SRGAP3: variants seen among roughly 807,000 people sequenced by gnomAD.
SRGAP3 encodes SLIT-ROBO Rho GTPase activating protein 3, also known as SLIT-ROBO Rho GTPase-activating protein 3.
A neutral mutation model predicts 121.1 loss-of-function variants in SRGAP3; 39 were observed. The observed-to-expected ratio is 0.32, with a 90% CI of 0.25 to 0.42. SRGAP3 has a LOEUF of 0.42. SRGAP3 is among the 10% of genes least tolerant of loss of function. The pLI is 1.00. For synonymous variants in SRGAP3, 601 were observed against 570.0 expected, an observed-to-expected ratio of 1.05 and a Z score of -0.77; for missense variants, 1,213 against 1,470.6, an observed-to-expected ratio of 0.82 and a Z score of 2.86.
At chr3:9,306,852 T>A (rs544046767) in intron 3 of SRGAP3, among the ~76,000 whole-genome samples, 7 of 152,350 alleles carry the variant, frequency 4.6e-5, no homozygotes, top group Non-Finnish European at 1.0e-4. Flanking sequence ...TTCTATAAAG[T>A]ATTTTTTTAA....
intron 3 of SRGAP3, among the ~76,000 whole-genome samples, chr3:9,321,677 G>A (rs1274191645): frequency 6.6e-6 from 1 of 151,820 alleles, no homozygotes; most frequent in Admixed American, 6.5e-5. Flanking sequence ...TCTTTTACGG[G>A]AACACGGATG....
intron 18 of SRGAP3, among the ~76,000 whole-genome samples, chr3:9,005,969 G>C (rs991901722): frequency 1.3e-5 from 2 of 152,178 alleles, no homozygotes; most frequent in South Asian, 2.1e-4. Context: ...TAAGAAGAAG[G>C]CAGGGTCCTT....
chr3:9,014,503 T>C (rs768405827), intron 15 of SRGAP3, among the ~76,000 whole-genome samples: 5 of 151,690 alleles, frequency 3.3e-5, no homozygotes, highest in Non-Finnish European at 7.4e-5. Context: ...CTCTGACCCC[T>C]GTTTCCAGGT....
intron 8 of SRGAP3, among the ~76,000 whole-genome samples, chr3:9,054,553 T>C (rs1200444106): frequency 2.6e-5 from 4 of 152,178 alleles, no homozygotes; most frequent in Non-Finnish European, 5.9e-5. Context: ...GCCTTACATC[T>C]CCCTAAAATG....
intron 1 of SRGAP3, among the ~76,000 whole-genome samples, chr3:9,341,400 A>G (rs143309187): frequency 5.3e-5 from 8 of 152,206 alleles, no homozygotes; most frequent in Admixed American, 3.9e-4. Flanking sequence ...GAAGAAAAGA[A>G]TGTGTCCCTA....
chr3:9,271,071 T>A (rs1226287729), intron 3 of SRGAP3, among the ~76,000 whole-genome samples: 1 of 152,172 alleles, frequency 6.6e-6, no homozygotes, highest in Non-Finnish European at 1.5e-5. Flanking sequence ...CAGTGGCTCG[T>A]GACTGTAATC....
intron 3 of SRGAP3, among the ~76,000 whole-genome samples, chr3:9,296,497 C>A (rs1954956526): frequency 6.6e-6 from 1 of 152,166 alleles, no homozygotes; most frequent in Non-Finnish European, 1.5e-5. Context: ...GTAAGGGAAG[C>A]CTAATGAGTC....
chr3:8,989,621 C>G (rs1253317869), intron 21 of SRGAP3, among the ~76,000 whole-genome samples: 1 of 152,074 alleles, frequency 6.6e-6, no homozygotes, highest in African/African-American at 2.4e-5. Flanking sequence ...CATAATGGGC[C>G]CCCACACCAA....
Position 9,137,786 on chromosome 3 carries a change from C to G in SRGAP3, c.68-12869G>C, listed in dbSNP as rs1464975665. 2.0e-5 allele frequency among the ~76,000 whole-genome samples: 3 copies of G among 152,112 alleles called. No individual in the cohort carries two copies. The South Asian group carries it at 6.3e-4, about 32-fold the overall frequency. On this transcript the variant is annotated intron_variant, in intron 1 of 21. Transcript: ENST00000383836. ...TTTTCCCATAGCATCTGTGCTGTGTCCAAATAATAGCCATTCCTTCCCATG... is the reference window on the plus strand; with the variant it reads ...TTTTCCCATAGCATCTGTGCTGTGTGCAAATAATAGCCATTCCTTCCCATG...
At chr3:9,362,162 C>CTTTT (rs36036357) in intron 1 of SRGAP3, among the ~76,000 whole-genome samples, 24 of 90,958 alleles carry the variant, frequency 2.6e-4, no homozygotes, top group African/African-American at 8.6e-4. Flanking sequence ...AGGTTCAACT[C>CTTTT]TTTTTTTTTT....
chr3:9,022,704 C>A (rs965360826), intron 14 of SRGAP3, among the ~76,000 whole-genome samples: 2 of 152,178 alleles, frequency 1.3e-5, no homozygotes, highest in Non-Finnish European at 2.9e-5. Context: ...AAGAGACATA[C>A]TAGAACGATT....
At chr3:9,277,453 C>A (rs1185812560) in intron 3 of SRGAP3, among the ~76,000 whole-genome samples, 1 of 148,726 alleles carries the variant, frequency 6.7e-6, no homozygotes, top group Non-Finnish European at 1.5e-5. Context: ...AAAAAAAATA[C>A]AAAAATTAGC....
intron 3 of SRGAP3, among the ~76,000 whole-genome samples, chr3:9,097,058 T>C (rs753909609): frequency 6.7e-6 from 1 of 149,086 alleles, no homozygotes; most frequent in African/African-American, 2.5e-5. Context: ...TGGTACAATC[T>C]TGGCGCACTG....
intron 3 of SRGAP3, among the ~76,000 whole-genome samples, chr3:9,257,893 C>T (rs766810367): frequency 7.2e-5 from 11 of 151,812 alleles, no homozygotes; most frequent in East Asian, 3.9e-4. Flanking sequence ...TTAGTAGAGA[C>T]GGGGTTTCAC....
At chr3:9,009,845 G>A (rs1268624572) in intron 18 of SRGAP3, among the ~76,000 whole-genome samples, 1 of 152,162 alleles carries the variant, frequency 6.6e-6, no homozygotes, top group African/African-American at 2.4e-5. Context: ...TTTGCACCAT[G>A]AGAAGCTACT....
intron 1 of SRGAP3, chr3:9,348,782 T>G: frequency 7.3e-7 from 1 of 1,365,042 alleles, no homozygotes; most frequent in Non-Finnish European, 1.0e-6. Context: ...GGTGAAGATC[T>G]GGAGGCACTC....
intron 12 of SRGAP3, chr3:9,028,069 A>G: frequency 6.2e-7 from 1 of 1,613,904 alleles, no homozygotes; most frequent in Non-Finnish European, 8.5e-7. Flanking sequence ...CATCACGGTG[A>G]ATGGGGCTAA....
intron 1 of SRGAP3, among the ~76,000 whole-genome samples, chr3:9,129,600 A>C (rs1051647894): frequency 2.6e-5 from 4 of 150,962 alleles, no homozygotes; most frequent in African/African-American, 9.7e-5. Flanking sequence ...AGCAAATCTC[A>C]GATTGCCTAG....
At chr3:9,324,618 A>G (rs2125283655) in intron 3 of SRGAP3, among the ~76,000 whole-genome samples, 1 of 151,954 alleles carries the variant, frequency 6.6e-6, no homozygotes, top group Middle Eastern at 3.4e-3. Context: ...CTAGTGCATG[A>G]GCTCAGTGCA....
Sources: gnomAD v4.1 joint callset for allele counts (sites outside exome capture counted in the v4.1 genomes callset) on GRCh38, gnomAD v4.1.1 for gene constraint, MANE v1.5 for transcripts, NCBI Gene and HGNC (gene_info 2026-07-23, HGNC 2026-07-21) for gene names.